The following PGM2 variants were observed in gnomAD, a reference collection of about 807,000 sequenced individuals.
The protein encoded by PGM2 is phosphoglucomutase 2.
A neutral mutation model predicts 74.6 loss-of-function variants in PGM2; 57 were observed. That is an observed-to-expected ratio of 0.76 (90% CI 0.62 to 0.95). The LOEUF is 0.95. Among genes scored for constraint, PGM2 ranks in the 40% least tolerant of loss-of-function variants. The pLI is 0.00. For synonymous variants in PGM2, 273 were observed against 260.7 expected (o/e 1.05, Z -0.46); for missense variants, 706 against 741.9 (o/e 0.95, Z 0.56).
intron 13 of PGM2, among the ~76,000 whole-genome samples, chr4:37,861,099 G>A (rs1711756158): frequency 6.6e-6 from 1 of 152,138 alleles, no homozygotes; most frequent in African/African-American, 2.4e-5. Context: ...TATTCTGGGA[G>A]ACTGAGGAGT....
At chr4:37,830,291 G>T (rs2152174195) in intron 2 of PGM2, among the ~76,000 whole-genome samples, 160 bp downstream of exon 2, 1 of 152,272 alleles carries the variant, frequency 6.6e-6, no homozygotes, top group Non-Finnish European at 1.5e-5. Flanking sequence ...TGCACAATAG[G>T]TCGAAGTAGC....
At chr4:37,833,093 G>A (rs1725476890) in intron 2 of PGM2, among the ~76,000 whole-genome samples, 1 of 152,110 alleles carries the variant, frequency 6.6e-6, no homozygotes, top group South Asian at 2.1e-4. Context: ...CAGGCATCTG[G>A]GTACCTTCTG....
intron 1 of PGM2, among the ~76,000 whole-genome samples, chr4:37,828,535 C>T (rs1725356164): frequency 6.6e-6 from 1 of 152,152 alleles, no homozygotes. Context: ...CTCTGTCTTT[C>T]CACCGTGCCT....
intron 12 of PGM2, among the ~76,000 whole-genome samples, 199 bp from the exon 13 acceptor site, chr4:37,855,409 A>G (rs1007728222): frequency 6.6e-6 from 1 of 152,242 alleles, no homozygotes; most frequent in African/African-American, 2.4e-5. Context: ...AGTATTCCAT[A>G]TAGTAGACCA....
chr4:37,855,407 A>T (rs1396515312), intron 12 of PGM2, among the ~76,000 whole-genome samples: 1 of 152,230 alleles, frequency 6.6e-6, no homozygotes, highest in African/African-American at 2.4e-5. Context: ...ATAGTATTCC[A>T]TATAGTAGAC....
chr4:37,839,063 A>C (rs951387627), intron 4 of PGM2, among the ~76,000 whole-genome samples: 1 of 151,092 alleles, frequency 6.6e-6, no homozygotes, highest in Non-Finnish European at 1.5e-5. Flanking sequence ...TTAACCCTGG[A>C]GTGAGAGATA....
chr4:37,837,546 C>T lies in PGM2; in HGVS notation c.374C>T (p.Ala125Val). Residue 125 changes from alanine (A) to valine (V), a missense_variant, in exon 4 of 14, where the codon GCA becomes GTA. Ala to Val is a moderately conservative substitution (Grantham distance 64). Coordinates refer to ENST00000381967, the MANE Select transcript of PGM2 (RefSeq NM_018290.4). ...GSSRRFARLA[A>V]TTFISQGIPV... The stretch of plus-strand genomic sequence containing the variant: ...ATTCTCAGGTTTGCCCGACTTGCTG[C>T]AACCACATTTATCAGTCAGGGGATT... 3 of 1,612,780 alleles carry T rather than the reference C, an allele frequency of 1.9e-6. No individual in the cohort carries two copies. The highest frequency in any genetic ancestry group is 2.5e-6 in the Non-Finnish European group (3 of 1,178,724).
chr4:37,849,456 G>C (rs1381058174), intron 11 of PGM2, among the ~76,000 whole-genome samples: 1 of 144,836 alleles, frequency 6.9e-6, no homozygotes, highest in African/African-American at 2.6e-5. Flanking sequence ...TCTGTCACCA[G>C]GCTGGAGTGC....
At chr4:37,830,553 C>G (rs965953500) in intron 2 of PGM2, among the ~76,000 whole-genome samples, 1 of 152,146 alleles carries the variant, frequency 6.6e-6, no homozygotes, top group South Asian at 2.1e-4. Context: ...AGCCTGTTCT[C>G]CTTTGTTTTA....
intron 11 of PGM2, among the ~76,000 whole-genome samples, chr4:37,849,525 C>T (rs980698716): frequency 9.3e-5 from 14 of 150,252 alleles, no homozygotes; most frequent in African/African-American, 3.4e-4. Flanking sequence ...AATTCTCCTA[C>T]CTCAGCCTCC....
chr4:37,836,490 A>T (rs1435321333), intron 3 of PGM2, among the ~76,000 whole-genome samples: 1 of 152,230 alleles, frequency 6.6e-6, no homozygotes, highest in Non-Finnish European at 1.5e-5. Flanking sequence ...CGTAAGCAGT[A>T]ACTGTTAAGT....
chr4:37,855,601 T>C lies in PGM2; in HGVS notation c.1603-7T>C. On this transcript the variant is annotated splice_polypyrimidine_tract_variant and splice_region_variant and intron_variant, in intron 12 of 13. Coordinates refer to ENST00000381967, the MANE Select transcript of PGM2 (RefSeq NM_018290.4). ...TTTAAATTTATAATGTGTGCATTAA[T>C]TCCTAGGTTCTTCCCACTAGTAAAA... 6.2e-7 allele frequency: 1 copy of C among 1,612,428 alleles called. No homozygotes were observed. The highest frequency in any genetic ancestry group is 1.3e-5 in the African/African-American group (1 of 74,970).
chr4:37,858,413 T>C (rs1199157220), intron 13 of PGM2, among the ~76,000 whole-genome samples: 1 of 151,984 alleles, frequency 6.6e-6, no homozygotes, highest in Non-Finnish European at 1.5e-5. Flanking sequence ...CTTAGCTCAC[T>C]GCAACCTCTG....
chr4:37,834,397 G>A (rs1725511165), intron 2 of PGM2, among the ~76,000 whole-genome samples: 1 of 151,888 alleles, frequency 6.6e-6, no homozygotes, highest in African/African-American at 2.4e-5. Context: ...CAGCTACTAA[G>A]TGATCAATGA....
intron 13 of PGM2, among the ~76,000 whole-genome samples, chr4:37,859,824 T>G (rs1426410425): frequency 1.3e-5 from 2 of 152,164 alleles, no homozygotes; most frequent in African/African-American, 4.8e-5. Context: ...TTCCTAAACA[T>G]TCTGATAAAG....
intron 2 of PGM2, among the ~76,000 whole-genome samples, chr4:37,833,604 A>G (rs1725491067): frequency 6.6e-6 from 1 of 152,224 alleles, no homozygotes; most frequent in South Asian, 2.1e-4. Flanking sequence ...TCCTTTAGCA[A>G]AAGTGAAATA....
At chr4:37,858,683 C>T (rs1577685481) in intron 13 of PGM2, among the ~76,000 whole-genome samples, 1 of 152,090 alleles carries the variant, frequency 6.6e-6, no homozygotes, top group East Asian at 1.9e-4. Flanking sequence ...TTCCTTCTTT[C>T]CTGAAAAGCT....
intron 6 of PGM2, among the ~76,000 whole-genome samples, chr4:37,840,632 ACC>A (rs1725683835): frequency 6.6e-6 from 1 of 151,984 alleles, no homozygotes; most frequent in Non-Finnish European, 1.5e-5. Context: ...TGATCCACCC[ACC>A]TTGGCCTCCC....
chr4:37,851,460 G>A (rs1726037593), intron 12 of PGM2, among the ~76,000 whole-genome samples: 1 of 148,906 alleles, frequency 6.7e-6, no homozygotes, highest in South Asian at 2.1e-4. Flanking sequence ...AAGACACAAA[G>A]GTAGCAGAAG....
Sources: gnomAD v4.1 joint callset for allele counts (sites outside exome capture counted in the v4.1 genomes callset) on GRCh38, gnomAD v4.1.1 for gene constraint, MANE v1.5 for transcripts, NCBI Gene and HGNC (gene_info 2026-07-23, HGNC 2026-07-21) for gene names.